The following CACNA1A variants were observed in gnomAD, a reference collection of about 807,000 sequenced individuals.
CACNA1A encodes voltage-dependent P/Q-type calcium channel subunit alpha-1A.
In CACNA1A, 57 loss-of-function variants were observed where a neutral mutation model predicts 262.4. The ratio of observed to expected loss-of-function variants is 0.22; its 90% confidence interval spans 0.18 to 0.27. The LOEUF (loss-of-function observed/expected upper bound fraction) is 0.27, where lower values mean the gene tolerates loss of function less well. Among genes scored for constraint, CACNA1A ranks in the 10% least tolerant of loss-of-function variants. CACNA1A has a pLI of 1.00. For synonymous variants in CACNA1A, 1,431 were observed against 1,419.3 expected, an observed-to-expected ratio of 1.01 and a Z score of -0.18; for missense variants, 2,526 against 3,562.8, an observed-to-expected ratio of 0.71 and a Z score of 7.41.
chr19:13,298,494 CATT>C lies in CACNA1A; in HGVS notation c.3089+47_3089+49del, dbSNP rs575123090. ...CAGCACGTGCTACTTTGGCTGTTGT[CATT>C]ATTAATGTTACCGTCATTCTGCGGA... On this transcript the variant is annotated intron_variant, in intron 19 of 46. Transcript: ENST00000360228. 9.0e-4 allele frequency: 1,316 copies of C among 1,459,252 alleles called. 9 individuals carry two copies. The South Asian group carries it at 0.01, about 12-fold the overall frequency. 90.4% of individuals were successfully genotyped at this position (1,459,252 alleles called of 1,614,324 possible).
intron 1 of CACNA1A, among the ~76,000 whole-genome samples, chr19:13,501,755 C>T (rs1391952543): frequency 6.6e-6 from 1 of 152,170 alleles, no homozygotes; most frequent in Non-Finnish European, 1.5e-5. Flanking sequence ...AACATTTCTG[C>T]TGCAAAACAT....
At chr19:13,357,147 G>A (rs1477731405) in intron 6 of CACNA1A, among the ~76,000 whole-genome samples, 1 of 152,142 alleles carries the variant, frequency 6.6e-6, no homozygotes, top group Non-Finnish European at 1.5e-5. Context: ...AGGATTACAA[G>A]GATGAGTTTT....
rs922696702 is a variant in CACNA1A, at chr19:13,214,680, C to A, written c.5732-72G>T. On this transcript the variant is annotated intron_variant, in intron 38 of 46. Coordinates refer to ENST00000360228, the MANE Select transcript of CACNA1A (RefSeq NM_001127222.2). The surrounding 1 kb of genome is among the most constrained non-coding windows in gnomAD (Gnocchi z 4.1). Reference sequence around the variant, plus strand: ...GCTGGACTCTGGGTCAGCTGCAAAGCCATAGGCTCCCGAGAACGAGACCCC... The same window carrying A: ...GCTGGACTCTGGGTCAGCTGCAAAGACATAGGCTCCCGAGAACGAGACCCC... 2 of 1,182,154 alleles carry A rather than the reference C, an allele frequency of 1.7e-6. No homozygotes were observed. The highest frequency in any genetic ancestry group is 2.5e-6 in the Non-Finnish European group (2 of 806,366). The allele number at this position is 1,182,154 out of a possible 1,614,324, so 73.2% of individuals were successfully genotyped here.
intron 15 of CACNA1A, 92 bp downstream of exon 15, chr19:13,307,689 GA>G (rs1486436283): frequency 1.0e-6 from 1 of 973,394 alleles, no homozygotes; most frequent in Non-Finnish European, 1.6e-6. Context: ...GGTAGAGAAG[GA>G]GGAGTTCAGG....
chr19:13,476,469 G>A (rs1032704406), intron 1 of CACNA1A, among the ~76,000 whole-genome samples: 8 of 152,112 alleles, frequency 5.3e-5, no homozygotes, highest in Non-Finnish European at 1.0e-4. Flanking sequence ...TGAATGCATT[G>A]AGCCCTCACC....
intron 38 of CACNA1A, among the ~76,000 whole-genome samples, chr19:13,217,949 TTTA>T (rs2055077486): frequency 1.9e-5 from 2 of 103,996 alleles, no homozygotes; most frequent in African/African-American, 7.2e-5. Flanking sequence ...TTTTTTTTTT[TTTA>T]AAAAAAAGAG....
At chr19:13,488,657 C>A (rs1335996670) in intron 1 of CACNA1A, among the ~76,000 whole-genome samples, 1 of 151,998 alleles carries the variant, frequency 6.6e-6, no homozygotes, top group African/African-American at 2.4e-5. Context: ...GCCTTGGCCT[C>A]TTAAAGTGCT....
chr19:13,261,452 A>G lies in CACNA1A; in HGVS notation c.4248T>C (p.Cys1416=). ...TDESKEFEKD[C]RGKYLLYEKN... ...TGTGCTGGAAAGTGGAGACCCACCGACAATCTTTCTCAAACTCTTTGGACT... is the reference window on the plus strand; with the variant it reads ...TGTGCTGGAAAGTGGAGACCCACCGGCAATCTTTCTCAAACTCTTTGGACT... Residue 1416 remains cysteine, a splice_region_variant and synonymous_variant, in exon 26 of 47, where the codon TGT becomes TGC. Transcript: ENST00000360228. The G allele has an allele frequency of 6.4e-7, 1 of 1,569,724 alleles. No homozygotes were observed. The highest frequency in any genetic ancestry group is 8.6e-7 in the Non-Finnish European group (1 of 1,156,790).
At chr19:13,413,568 T>C (rs2060154411) in intron 3 of CACNA1A, among the ~76,000 whole-genome samples, 2 of 71,808 alleles carry the variant, frequency 2.8e-5, no homozygotes, top group Admixed American at 1.8e-4. Flanking sequence ...CAAGGTCCTG[T>C]CTTAAAAAAA....
intron 6 of CACNA1A, among the ~76,000 whole-genome samples, chr19:13,339,527 A>G (rs1421562035): frequency 6.6e-6 from 1 of 152,166 alleles, no homozygotes; most frequent in Non-Finnish European, 1.5e-5. Flanking sequence ...TTAGGATGAC[A>G]ACAATATATT....
At chr19:13,385,230 CT>C (rs911743392) in intron 3 of CACNA1A, among the ~76,000 whole-genome samples, 122 of 139,656 alleles carry the variant, frequency 8.7e-4, no homozygotes, top group East Asian at 1.0e-3. Flanking sequence ...TTCTTTCTTT[CT>C]TTTTTTTTTT....
At chr19:13,351,126 G>T (rs931247173) in intron 6 of CACNA1A, among the ~76,000 whole-genome samples, 5 of 152,068 alleles carry the variant, frequency 3.3e-5, no homozygotes, top group African/African-American at 1.2e-4. Flanking sequence ...CTGTTCCTCC[G>T]CTATAAAACT....
intron 6 of CACNA1A, among the ~76,000 whole-genome samples, chr19:13,357,821 T>C (rs1256551121): frequency 6.6e-6 from 1 of 151,430 alleles, no homozygotes; most frequent in Non-Finnish European, 1.5e-5. Flanking sequence ...CTGGGAAACA[T>C]AGTGAGACCC....
intron 9 of CACNA1A, among the ~76,000 whole-genome samples, chr19:13,331,017 G>A (rs893901422): frequency 6.6e-6 from 1 of 152,072 alleles, no homozygotes; most frequent in African/African-American, 2.4e-5. Flanking sequence ...CACCCCAGGG[G>A]CTCCACAGCA....
intron 1 of CACNA1A, among the ~76,000 whole-genome samples, chr19:13,498,570 A>G (rs1599382227): frequency 6.6e-6 from 1 of 152,148 alleles, no homozygotes; most frequent in Non-Finnish European, 1.5e-5. Context: ...GGCTGCTCCC[A>G]GTCTGAACGG....
Position 13,227,450 on chromosome 19 carries a change from G to A in CACNA1A, c.5606C>T (p.Pro1869Leu), listed in dbSNP as rs768361028. 6.2e-7 allele frequency: 1 copy of A among 1,607,134 alleles called. No homozygotes were observed. Among genetic ancestry groups the A allele is most frequent in the South Asian group, 1.1e-5 (1 of 90,248 alleles). ...SPPLGLGKKC[P>L]ARVAYKRLLR... ...GTCTACCTTGTAAGCCACTCTGGCC[G>A]GACACTTCTTCCCCAGACCCAGGGG... The change falls in exon 37 of 47, where the codon CCG (proline) becomes CTG (leucine). Residue 1869 changes from proline to leucine, a missense_variant. Pro to Leu is a moderately conservative substitution (Grantham distance 98). Around this residue, in one of 17 missense-constraint regions of CACNA1A, gnomAD observed 112 missense variants for 197.2 expected, o/e 0.57. Coordinates refer to ENST00000360228, the MANE Select transcript of CACNA1A (RefSeq NM_001127222.2).
chr19:13,391,146 A>G (rs2059704322), intron 3 of CACNA1A, among the ~76,000 whole-genome samples: 1 of 152,140 alleles, frequency 6.6e-6, no homozygotes, highest in Non-Finnish European at 1.5e-5. Flanking sequence ...CGGCCTCCCA[A>G]AGTGCTGGGA....
intron 29 of CACNA1A, among the ~76,000 whole-genome samples, chr19:13,254,244 C>T (rs922664727): frequency 2.0e-5 from 3 of 152,076 alleles, no homozygotes; most frequent in African/African-American, 4.8e-5. Flanking sequence ...CTTGAATCCA[C>T]GCTTTGGAGT....
chr19:13,257,605 C>A, intron 27 of CACNA1A, 54 bp from the exon 28 acceptor site: 2 of 1,217,364 alleles, frequency 1.6e-6, no homozygotes, highest in Admixed American at 4.4e-5. Flanking sequence ...GAGACAGGGA[C>A]CCAAGGGGTG....
Sources: gnomAD v4.1 joint callset for allele counts (sites outside exome capture counted in the v4.1 genomes callset) on GRCh38, gnomAD v4.1.1 for gene constraint, gnomAD v4.1.1 regional missense constraint, Gnocchi (gnomAD v3.1) non-coding constraint, MANE v1.5 for transcripts, NCBI Gene and HGNC (gene_info 2026-07-23, HGNC 2026-07-21) for gene names.